DAAM1: variants seen among roughly 807,000 people sequenced by gnomAD.
DAAM1 encodes the protein disheveled-associated activator of morphogenesis 1.
A neutral mutation model predicts 130.0 loss-of-function variants in DAAM1; 52 were observed. The ratio of observed to expected loss-of-function variants is 0.40; its 90% CI spans 0.32 to 0.50. The LOEUF (loss-of-function observed/expected upper bound fraction) is 0.50, where lower values mean the gene tolerates loss of function less well. DAAM1 is among the 20% of genes least tolerant of loss of function. The probability of loss-of-function intolerance (pLI) is 0.61; values close to 1 mark genes in which losing one functional copy is unlikely to be tolerated. For synonymous variants in DAAM1, 452 were observed against 444.5 expected, an observed-to-expected ratio of 1.02 and a Z score of -0.21; for missense variants, 1,134 against 1,303.8, an observed-to-expected ratio of 0.87 and a Z score of 2.01.
intron 1 of DAAM1, among the ~76,000 whole-genome samples, chr14:59,255,709 CCTT>C (rs376996635): frequency 1.1e-3 from 160 of 151,506 alleles, no homozygotes; most frequent in African/African-American, 3.6e-3. Flanking sequence ...GTTTTCTTGT[CCTT>C]CTTTTTATGG....
At chr14:59,254,233 G>A (rs1881769854) in intron 1 of DAAM1, among the ~76,000 whole-genome samples, 1 of 150,780 alleles carries the variant, frequency 6.6e-6, no homozygotes, top group Non-Finnish European at 1.5e-5. Flanking sequence ...GTGATTGCCG[G>A]TATCTTGTAA....
At chr14:59,366,213 C>A (rs1331022707) in intron 23 of DAAM1, among the ~76,000 whole-genome samples, 1 of 151,224 alleles carries the variant, frequency 6.6e-6, no homozygotes, top group Admixed American at 6.6e-5. Flanking sequence ...CATTGCAATA[C>A]CCCATATCTT....
intron 1 of DAAM1, among the ~76,000 whole-genome samples, chr14:59,229,877 T>C (rs1889049431): frequency 6.6e-6 from 1 of 152,172 alleles, no homozygotes. Context: ...TGTCTATAAA[T>C]AACTGTTCAC....
chr14:59,339,142 A>G (rs926245928), intron 15 of DAAM1, among the ~76,000 whole-genome samples: 13 of 152,258 alleles, frequency 8.5e-5, no homozygotes, highest in African/African-American at 3.1e-4. Context: ...CAGCCCCCTC[A>G]TCAAATGAGG....
At chr14:59,351,929 A>C (rs750449890) in intron 17 of DAAM1, among the ~76,000 whole-genome samples, 1 of 152,176 alleles carries the variant, frequency 6.6e-6, no homozygotes, top group Non-Finnish European at 1.5e-5. Flanking sequence ...TCTTCCTTCA[A>C]AATAAAATAC....
chr14:59,313,572 T>C (rs1169613636), intron 3 of DAAM1, among the ~76,000 whole-genome samples: 1 of 152,174 alleles, frequency 6.6e-6, no homozygotes, highest in African/African-American at 2.4e-5. Flanking sequence ...TGGGACTTGA[T>C]TTTGTTTTAG....
intron 1 of DAAM1, among the ~76,000 whole-genome samples, chr14:59,248,169 GT>G (rs1490516061): frequency 1.3e-5 from 2 of 152,152 alleles, no homozygotes; most frequent in African/African-American, 4.8e-5. Context: ...TCTCTTTAGT[GT>G]TTAGTTGTCT....
intron 1 of DAAM1, among the ~76,000 whole-genome samples, chr14:59,204,264 C>T (rs1888195053): frequency 6.6e-6 from 1 of 152,176 alleles, no homozygotes; most frequent in African/African-American, 2.4e-5. Flanking sequence ...GGGGCTTCTT[C>T]CAAGCTCATG....
chr14:59,278,785 T>G (rs1883084315), intron 2 of DAAM1, among the ~76,000 whole-genome samples: 1 of 152,218 alleles, frequency 6.6e-6, no homozygotes, highest in African/African-American at 2.4e-5. Flanking sequence ...GAAGTGATCT[T>G]TGATTTCAAA....
intron 2 of DAAM1, among the ~76,000 whole-genome samples, chr14:59,272,606 T>TAC (rs1288146543): frequency 1.0e-5 from 1 of 96,326 alleles, no homozygotes; most frequent in Non-Finnish European, 2.1e-5. Flanking sequence ...AATATATATA[T>TAC]ATACACACAC....
intron 21 of DAAM1, among the ~76,000 whole-genome samples, chr14:59,360,237 G>A (rs1886650127): frequency 1.3e-5 from 2 of 152,156 alleles, no homozygotes; most frequent in Admixed American, 1.3e-4. Context: ...AGAAAGTGTT[G>A]TGTATGGGAG....
At chr14:59,306,810 A>C (rs1884396108) in intron 3 of DAAM1, among the ~76,000 whole-genome samples, 1 of 152,166 alleles carries the variant, frequency 6.6e-6, no homozygotes, top group South Asian at 2.1e-4. Context: ...TGGAATGGTC[A>C]GGAGCTTAGT....
rs536904649 is a variant in DAAM1 at position 59,248,451 on chromosome 14, C to T, written c.-37-14990C>T. Among the ~76,000 whole-genome samples, 18 of 152,300 alleles carry T rather than the reference C, an allele frequency of 1.2e-4. No individual in the cohort carries two copies. The South Asian group carries it at 2.5e-3, about 21-fold the overall frequency. ...GCTTATTGTTTGTCTCCTGCAGCTT[C>T]AGAAGTGTTTGTTTAGCTATGTGAA... On this transcript the variant is annotated intron_variant, in intron 1 of 24. Coordinates refer to ENST00000360909, the MANE Select transcript of DAAM1 (RefSeq NM_001270520.2).
At chr14:59,368,540 G>A (rs1365001865) in intron 24 of DAAM1, 110 bp from the exon 25 acceptor site, 2 of 1,111,692 alleles carry the variant, frequency 1.8e-6, no homozygotes, top group Non-Finnish European at 2.6e-6. Context: ...TATAGGATGA[G>A]CATAGCTTGG....
At chr14:59,273,980 C>G (rs1392629014) in intron 2 of DAAM1, among the ~76,000 whole-genome samples, 1 of 152,134 alleles carries the variant, frequency 6.6e-6, no homozygotes, top group Admixed American at 6.5e-5. Context: ...CTCGCTGTGT[C>G]TGGAATCTTC....
chr14:59,287,797 C>G (rs1275409241), intron 2 of DAAM1, among the ~76,000 whole-genome samples: 1 of 152,260 alleles, frequency 6.6e-6, no homozygotes, highest in Non-Finnish European at 1.5e-5. Flanking sequence ...GAAAAACATT[C>G]CCTGCTCATG....
chr14:59,197,709 G>A (rs184755335), intron 1 of DAAM1, among the ~76,000 whole-genome samples: 2 of 152,142 alleles, frequency 1.3e-5, no homozygotes, highest in Non-Finnish European at 2.9e-5. Flanking sequence ...TTTCTTTTCA[G>A]GCTGTGTCTG....
chr14:59,348,075 A>G (rs545686076), intron 17 of DAAM1, among the ~76,000 whole-genome samples: 5 of 152,242 alleles, frequency 3.3e-5, no homozygotes, highest in African/African-American at 4.8e-5. Flanking sequence ...AACCCCTAAC[A>G]CTGTCATCTG....
intron 1 of DAAM1, among the ~76,000 whole-genome samples, chr14:59,221,376 C>T (rs1310012595): frequency 6.6e-6 from 1 of 152,190 alleles, no homozygotes; most frequent in Non-Finnish European, 1.5e-5. Context: ...GGAGGAAATA[C>T]TCATGGTAAT....
Sources: allele counts gnomAD v4.1 joint callset (sites outside exome capture counted in the v4.1 genomes callset), GRCh38; gene constraint gnomAD v4.1.1; transcripts MANE v1.5; gene names NCBI Gene and HGNC (gene_info 2026-07-23, HGNC 2026-07-21).